Variants in KHDRBS2 observed in about 807,000 individuals in gnomAD.
KHDRBS2 encodes the protein KH domain-containing, RNA-binding, signal transduction-associated protein 2.
Under a neutral mutation model 44.3 loss-of-function variants are expected in KHDRBS2, and 26 were observed. The observed-to-expected ratio is 0.59, with a 90% CI of 0.43 to 0.81. The LOEUF is 0.81. Ranked by LOEUF, KHDRBS2 falls within the 40% of genes least tolerant of loss-of-function variation. KHDRBS2 has a pLI of 0.00. For missense variants in KHDRBS2, 476 were observed against 433.1 expected (o/e 1.10, Z -0.88); for synonymous variants, 194 against 151.1 (o/e 1.28, Z -2.08).
chr6:62,169,237 G>T, intron 2 of KHDRBS2, among the ~76,000 whole-genome samples: 1 of 129,274 alleles, frequency 7.7e-6, no homozygotes. Context: ...ACATATATAT[G>T]TGTGTATATA....
intron 6 of KHDRBS2, among the ~76,000 whole-genome samples, chr6:61,843,152 G>A (rs1424477842): frequency 6.6e-6 from 1 of 151,954 alleles, no homozygotes; most frequent in Non-Finnish European, 1.5e-5. Flanking sequence ...ACAGAAAGTA[G>A]ATGGCTAGGG....
intron 2 of KHDRBS2, among the ~76,000 whole-genome samples, chr6:62,058,792 T>C (rs1322667825): frequency 6.6e-6 from 1 of 151,764 alleles, no homozygotes; most frequent in Admixed American, 6.6e-5. Context: ...AATCCCAGTG[T>C]AGCAAAATAG....
intron 6 of KHDRBS2, among the ~76,000 whole-genome samples, chr6:61,758,637 A>C (rs1183405850): frequency 6.6e-6 from 1 of 152,074 alleles, no homozygotes; most frequent in African/African-American, 2.4e-5. Context: ...AATTGTACCA[A>C]ATATGGCCCA....
chr6:62,156,276 T>C (rs971904788), intron 2 of KHDRBS2, among the ~76,000 whole-genome samples: 2 of 152,220 alleles, frequency 1.3e-5, no homozygotes, highest in Admixed American at 6.5e-5. Flanking sequence ...AGTATGTACT[T>C]TTTAATGTAT....
At chr6:61,965,328 G>A (rs1003212937) in intron 4 of KHDRBS2, among the ~76,000 whole-genome samples, 2 of 152,052 alleles carry the variant, frequency 1.3e-5, no homozygotes, top group African/African-American at 4.8e-5. Context: ...ACTGCTGTGG[G>A]TATGGTCAAC....
chr6:62,151,900 A>G lies in KHDRBS2; in HGVS notation c.219+25285T>C, dbSNP rs376195082. ...GCCCATCTAGTTTATAGCACAGTTA[A>G]TATAAGTATGTGGTCTGGAGTCAGA... On this transcript the variant is annotated intron_variant, in intron 2 of 8. Transcript: ENST00000281156. 6.6e-5 allele frequency among the ~76,000 whole-genome samples: 10 copies of G among 152,234 alleles called. No individual in the cohort carries two copies. The East Asian group carries it at 7.7e-4, about 12-fold the overall frequency.
intron 2 of KHDRBS2, among the ~76,000 whole-genome samples, chr6:62,127,516 C>A (rs756776864): frequency 6.6e-6 from 1 of 151,996 alleles, no homozygotes; most frequent in Non-Finnish European, 1.5e-5. Context: ...TAGGTTAATA[C>A]TGATAGTCTA....
chr6:61,574,342 T>G, the KHDRBS2 span: 923,268 of 1,525,510 alleles, frequency 0.61, 282,283 homozygotes, highest in Non-Finnish European at 0.63. Flanking sequence ...CTCGACGAGG[T>G]TTCAGCTGTC....
rs535241352 is a variant in KHDRBS2, at chr6:62,271,788, T to C, written c.91+14070A>G. ...CAAAAAAGCTTACAGAATGAAGATA[T>C]AAAGATATTGTTTAGCTAATTGCAA... is the stretch of plus-strand genomic sequence containing the variant. On this transcript the variant is annotated intron_variant, in intron 1 of 8. Coordinates refer to ENST00000281156, the MANE Select transcript of KHDRBS2 (RefSeq NM_152688.4). Among the ~76,000 whole-genome samples the C allele has an allele frequency of 9.9e-5, 15 of 152,188 alleles. No homozygotes were observed. The South Asian group carries it at 1.0e-3, about 11-fold the overall frequency.
chr6:61,775,699 C>A (rs558885367), intron 6 of KHDRBS2, among the ~76,000 whole-genome samples: 2 of 152,018 alleles, frequency 1.3e-5, no homozygotes, highest in Non-Finnish European at 2.9e-5. Context: ...ATCAATATTG[C>A]GAAAATGGCC....
At chr6:62,126,372 C>T (rs1446720921) in intron 2 of KHDRBS2, among the ~76,000 whole-genome samples, 1 of 152,202 alleles carries the variant, frequency 6.6e-6, no homozygotes, top group South Asian at 2.1e-4. Context: ...CAATTCTAGG[C>T]CCTGGCTCCC....
intron 6 of KHDRBS2, among the ~76,000 whole-genome samples, chr6:61,867,490 T>A (rs1797959215): frequency 6.6e-6 from 1 of 152,164 alleles, no homozygotes; most frequent in Non-Finnish European, 1.5e-5. Flanking sequence ...AGTTCTGAAC[T>A]CTTGCTAGGG....
At chr6:61,878,147 T>A (rs893205594) in intron 6 of KHDRBS2, among the ~76,000 whole-genome samples, 3 of 151,928 alleles carry the variant, frequency 2.0e-5, no homozygotes, top group African/African-American at 7.2e-5. Context: ...TTACATAACT[T>A]CCAATGAGGC....
At chr6:61,585,158 A>C in the KHDRBS2 span, among the ~76,000 whole-genome samples, 1 of 151,902 alleles carries the variant, frequency 6.6e-6, no homozygotes, top group Non-Finnish European at 1.5e-5. Context: ...CTTAAAACCC[A>C]TTGTGGATTT....
At chr6:61,733,170 T>C (rs528528925) in intron 6 of KHDRBS2, among the ~76,000 whole-genome samples, 2 of 152,110 alleles carry the variant, frequency 1.3e-5, no homozygotes, top group Non-Finnish European at 2.9e-5. Context: ...ATAATTAAGA[T>C]AGAAACTATA....
the KHDRBS2 span, among the ~76,000 whole-genome samples, chr6:61,621,435 G>T: frequency 1.3e-5 from 2 of 152,164 alleles, no homozygotes; most frequent in Non-Finnish European, 2.9e-5. Context: ...TGGTAGCTTA[G>T]AAAGAGCCCC....
chr6:62,142,063 C>T (rs1457438717), intron 2 of KHDRBS2, among the ~76,000 whole-genome samples: 1 of 151,946 alleles, frequency 6.6e-6, no homozygotes, highest in African/African-American at 2.4e-5. Context: ...ACCTCTTCTC[C>T]AGTAGCAACT....
chr6:62,043,866 C>A (rs899185951), intron 3 of KHDRBS2, among the ~76,000 whole-genome samples: 2 of 151,904 alleles, frequency 1.3e-5, no homozygotes, highest in African/African-American at 4.8e-5. Flanking sequence ...ATTATTAGAT[C>A]CACAAAAACA....
intron 4 of KHDRBS2, among the ~76,000 whole-genome samples, chr6:61,955,105 T>TAC (rs146537827): frequency 0.34 from 47,580 of 140,618 alleles, 8,568 homozygotes; most frequent in Middle Eastern, 0.49. Context: ...TATGTATATA[T>TAC]ACACATATGT....
Sources: gnomAD v4.1 joint callset for allele counts (sites outside exome capture counted in the v4.1 genomes callset) on GRCh38, gnomAD v4.1.1 for gene constraint, MANE v1.5 for transcripts, NCBI Gene and HGNC (gene_info 2026-07-23, HGNC 2026-07-21) for gene names.